PPP1R42: variants seen among roughly 807,000 people sequenced by gnomAD.
PPP1R42 encodes the protein protein phosphatase 1 regulatory subunit 42.
PPP1R42 carries 34 observed loss-of-function variants against 31.0 expected under a neutral mutation model. The observed-to-expected ratio is 1.10, with a 90% CI of 0.83 to 1.46. The LOEUF (loss-of-function observed/expected upper bound fraction) is 1.46. PPP1R42 is among the 40% of genes most tolerant of loss of function. The pLI is 0.00. For missense variants in PPP1R42, 268 were observed against 303.0 expected (o/e 0.88, Z 0.86); for synonymous variants, 103 against 109.8 (o/e 0.94, Z 0.39).
intron 5 of PPP1R42, among the ~76,000 whole-genome samples, chr8:67,008,022 G>T (rs1815737848): frequency 6.6e-6 from 1 of 151,636 alleles, no homozygotes; most frequent in Admixed American, 6.6e-5. Flanking sequence ...AAGTATCTGG[G>T]ACTACAGGCG....
intron 7 of PPP1R42, among the ~76,000 whole-genome samples, chr8:66,974,786 A>T (rs556368305): frequency 6.6e-6 from 1 of 152,322 alleles, no homozygotes; most frequent in Non-Finnish European, 1.5e-5. Context: ...GTCAAAGATC[A>T]ATTGACTACA....
intron 5 of PPP1R42, among the ~76,000 whole-genome samples, chr8:66,997,189 G>A (rs1030989157): frequency 2.6e-5 from 4 of 152,332 alleles, no homozygotes; most frequent in Non-Finnish European, 4.4e-5. Flanking sequence ...TTTATAAACT[G>A]TTCTGTTTCC....
rs1186280936 is a variant in PPP1R42 at position 67,019,237 on chromosome 8, C to CTTTTT, written c.-84-1411_-84-1407dup. Among the ~76,000 whole-genome samples, 50 of 91,682 alleles carry CTTTTT rather than the reference C, an allele frequency of 5.5e-4. 1 individual carries two copies. Among genetic ancestry groups the CTTTTT allele is most frequent in the African/African-American group, 2.1e-3 (41 of 19,974 alleles). 60.1% of individuals were successfully genotyped at this position (91,682 alleles called of 152,430 possible). A position where few individuals can be genotyped will look rare whatever the true frequency, so the allele number is the denominator to read the frequency against. On this transcript the variant is annotated intron_variant, in intron 1 of 7. Coordinates refer to ENST00000685739, the MANE Select transcript of PPP1R42 (RefSeq NM_001364910.1). ...ACCACTACGCCTGGTTTATGAGCAT[C>CTTTTT]TTTTTTTTTTTTTTTTTTTTTTTTG... is the stretch of plus-strand genomic sequence containing the variant.
At chr8:66,978,405 G>C (rs1225328853) in intron 7 of PPP1R42, among the ~76,000 whole-genome samples, 1 of 152,030 alleles carries the variant, frequency 6.6e-6, no homozygotes, top group Non-Finnish European at 1.5e-5. Flanking sequence ...GATTTGGGTG[G>C]GGACACAGCC....
chr8:66,974,001 C>T (rs1026778235), intron 7 of PPP1R42, among the ~76,000 whole-genome samples: 2 of 152,180 alleles, frequency 1.3e-5, no homozygotes, highest in Admixed American at 6.5e-5. Flanking sequence ...TGTCCATGTA[C>T]CTTGTTTCCG....
intron 3 of PPP1R42, 26 bp downstream of exon 3, chr8:67,014,400 C>A: frequency 7.4e-7 from 1 of 1,343,008 alleles, no homozygotes. Flanking sequence ...AAATCAGATA[C>A]ATTATTAAAA....
intron 7 of PPP1R42, chr8:66,971,070 A>G (rs1306221371): frequency 3.9e-6 from 6 of 1,534,386 alleles, no homozygotes; most frequent in East Asian, 2.4e-5. Context: ...TTTCAGAGAA[A>G]AAGGCTAATT....
chr8:66,988,342 A>G, intron 6 of PPP1R42, 58 bp downstream of exon 6: 3 of 1,301,192 alleles, frequency 2.3e-6, no homozygotes, highest in Non-Finnish European at 2.9e-6. Flanking sequence ...CTGGTAAAAT[A>G]ACCAAAAAGT....
Position 67,028,508 on chromosome 8 carries a change from G to C in PPP1R42, c.-102C>G. 3 of 985,538 alleles carry C rather than the reference G, an allele frequency of 3.0e-6. No individual in the cohort carries two copies. The highest frequency in any genetic ancestry group is 3.6e-6 in the Non-Finnish European group (3 of 829,978). 61.0% of individuals were successfully genotyped at this position (985,538 alleles called of 1,614,324 possible). Reference sequence around the variant, plus strand: ...CAGCTCACCGCTCGCGGGACAGTCCGGTAGCTAACTCCAGTTTGGTCGGTT... The same window carrying C: ...CAGCTCACCGCTCGCGGGACAGTCCCGTAGCTAACTCCAGTTTGGTCGGTT... On this transcript the variant is annotated 5_prime_UTR_variant, in exon 1 of 8. Transcript: ENST00000685739.
At chr8:67,012,871 G>A (rs1331178364) in intron 4 of PPP1R42, 87 bp downstream of exon 4, 1 of 1,289,054 alleles carries the variant, frequency 7.8e-7, no homozygotes, top group African/African-American at 1.5e-5. Flanking sequence ...GATGTACAAT[G>A]TCCAAATATA....
At chr8:66,966,222 G>T (rs2130907297) in intron 7 of PPP1R42, among the ~76,000 whole-genome samples, 1 of 152,306 alleles carries the variant, frequency 6.6e-6, no homozygotes, top group East Asian at 1.9e-4. Context: ...CTTTAGTTGG[G>T]CATGTGCTTA....
chr8:66,982,933 T>C (rs932220708), intron 6 of PPP1R42, among the ~76,000 whole-genome samples: 1 of 151,416 alleles, frequency 6.6e-6, no homozygotes, highest in Non-Finnish European at 1.5e-5. Flanking sequence ...TGTGCCACCA[T>C]GCCTGGATAA....
chr8:66,991,206 A>G (rs1030593094), intron 5 of PPP1R42, among the ~76,000 whole-genome samples: 1 of 152,176 alleles, frequency 6.6e-6, no homozygotes, highest in Non-Finnish European at 1.5e-5. Context: ...CAAGTTTTAT[A>G]CATTTTTGGA....
chr8:66,997,888 A>G (rs1815379270), intron 5 of PPP1R42, among the ~76,000 whole-genome samples: 1 of 152,102 alleles, frequency 6.6e-6, no homozygotes, highest in African/African-American at 2.4e-5. Flanking sequence ...GCCTTTTCTT[A>G]TAAATTTTAG....
At chr8:66,979,183 A>G (rs769216775) in intron 7 of PPP1R42, among the ~76,000 whole-genome samples, 5 of 152,070 alleles carry the variant, frequency 3.3e-5, no homozygotes, top group Non-Finnish European at 7.4e-5. Context: ...TTATAGTTTC[A>G]GGTCTTATAT....
At chr8:67,015,768 G>T (rs992849074) in intron 2 of PPP1R42, among the ~76,000 whole-genome samples, 23 of 152,060 alleles carry the variant, frequency 1.5e-4, no homozygotes, top group Non-Finnish European at 3.2e-4. Flanking sequence ...TTTTTAAAAA[G>T]GCTGCCATTT....
chr8:67,023,410 C>T (rs1816284740), intron 1 of PPP1R42, among the ~76,000 whole-genome samples: 2 of 151,972 alleles, frequency 1.3e-5, no homozygotes, highest in South Asian at 2.1e-4. Flanking sequence ...ATGCCCAGCT[C>T]GAGTTTTTAT....
At chr8:66,985,910 G>T in intron 6 of PPP1R42, 1 of 894,954 alleles carries the variant, frequency 1.1e-6, no homozygotes, top group Non-Finnish European at 1.8e-6. Context: ...CTTTACTCCT[G>T]ATGATTCCTT....
intron 5 of PPP1R42, among the ~76,000 whole-genome samples, chr8:66,993,127 C>T (rs928977312): frequency 1.1e-4 from 16 of 152,202 alleles, no homozygotes; most frequent in African/African-American, 3.6e-4. Flanking sequence ...CTCTTGACCT[C>T]TCCTTCTCCC....
Sources: allele counts gnomAD v4.1 joint callset (sites outside exome capture counted in the v4.1 genomes callset), GRCh38; gene constraint gnomAD v4.1.1; transcripts MANE v1.5; gene names NCBI Gene and HGNC (gene_info 2026-07-23, HGNC 2026-07-21).